The following SMAD6 variants were observed in gnomAD, a reference collection of about 807,000 sequenced individuals.
The protein encoded by SMAD6 is MAD homolog 6.
A neutral mutation model predicts 39.4 loss-of-function variants in SMAD6; 103 were observed. The observed-to-expected ratio is 2.62, with a 90% confidence interval of 2.23 to 3.08. The LOEUF (loss-of-function observed/expected upper bound fraction) is 3.08, where lower values mean the gene tolerates loss of function less well. Ranked by LOEUF, SMAD6 falls within the 30% of genes most tolerant of loss-of-function variation. The pLI is 0.00. For missense variants in SMAD6, 1,104 were observed against 742.9 expected (o/e 1.49, Z -5.65); for synonymous variants, 445 against 353.3 (o/e 1.26, Z -2.91).
chr15:66,713,768 G>C (rs1392639821), intron 2 of SMAD6, among the ~76,000 whole-genome samples: 1 of 152,208 alleles, frequency 6.6e-6, no homozygotes, highest in Non-Finnish European at 1.5e-5. Flanking sequence ...GCTGTTCCAC[G>C]AGGGTGTGGG....
At chr15:66,746,583 A>G (rs1893913323) in intron 3 of SMAD6, among the ~76,000 whole-genome samples, 1 of 152,294 alleles carries the variant, frequency 6.6e-6, no homozygotes, top group South Asian at 2.1e-4. Flanking sequence ...TCACTCACTC[A>G]TTCAGAGAAA....
At chr15:66,705,323 A>G (rs1380510007) in intron 1 of SMAD6, 1 of 140,076 alleles carries the variant, frequency 7.1e-6, no homozygotes, top group African/African-American at 2.6e-5. Context: ...CATAGAGGGC[A>G]TTGATGGGGG....
chr15:66,729,292 C>T (rs1893581039), intron 3 of SMAD6, among the ~76,000 whole-genome samples: 1 of 152,190 alleles, frequency 6.6e-6, no homozygotes, highest in African/African-American at 2.4e-5. Context: ...CCATAATGTC[C>T]TTTCCTAAGG....
At chr15:66,778,143 C>T (rs1236581323) in intron 3 of SMAD6, among the ~76,000 whole-genome samples, 1 of 150,900 alleles carries the variant, frequency 6.6e-6, no homozygotes, top group Non-Finnish European at 1.5e-5. Context: ...AATGCAGTAG[C>T]ACAATGACTG....
rs184507417 is a variant in SMAD6 at position 66,781,558 on chromosome 15, G to C, written c.*23G>C. 3 of 1,475,044 alleles carry C rather than the reference G, an allele frequency of 2.0e-6. No individual in the cohort carries two copies. The highest frequency in any genetic ancestry group is 2.7e-5 in the South Asian group (2 of 73,312). The allele number at this position is 1,475,044 out of a possible 1,614,324, so 91.4% of individuals were successfully genotyped here. A position where few individuals can be genotyped will look rare whatever the true frequency, so the allele number is the denominator to read the frequency against. On this transcript the variant is annotated 3_prime_UTR_variant, in exon 4 of 4. Transcript: ENST00000288840. ...TAGTGGCGGCCCCGGCGGGAGGGGC[G>C]GGTGGGAGGCCGCGGCCACCGCCAC...
At position 66,702,474 on chromosome 15, in the gene SMAD6, T is replaced by TC. The variant is rs1892992362; in HGVS notation, c.-783dup. On this transcript the variant is annotated 5_prime_UTR_variant, in exon 1 of 4. An upstream open reading frame in the 5' UTR gains an earlier in-frame stop. Transcript: ENST00000288840. ...CTCGGCAGCCTCGGCGCACGAAGCG[T>TC]CCGAGGGCAGCGTGGGGCGGGCTGC... 1 of 152,328 alleles carries TC rather than the reference T, an allele frequency of 6.6e-6. No homozygotes were observed. Among genetic ancestry groups the TC allele is most frequent in the African/African-American group, 2.4e-5 (1 of 41,384 alleles). 9.4% of individuals were successfully genotyped at this position (152,328 alleles called of 1,614,324 possible).
At chr15:66,751,271 GC>G (rs1894001462) in intron 3 of SMAD6, among the ~76,000 whole-genome samples, 1 of 152,198 alleles carries the variant, frequency 6.6e-6, no homozygotes, top group African/African-American at 2.4e-5. Flanking sequence ...CGAAGGTGGG[GC>G]CAGTCCCAGC....
intron 3 of SMAD6, among the ~76,000 whole-genome samples, chr15:66,757,740 C>T (rs759602005): frequency 6.6e-6 from 1 of 152,232 alleles, no homozygotes; most frequent in Non-Finnish European, 1.5e-5. Context: ...CAGGGCTGCC[C>T]TGAGCGCCGC....
intron 2 of SMAD6, among the ~76,000 whole-genome samples, chr15:66,714,884 AG>A (rs1893297600): frequency 1.3e-5 from 2 of 152,198 alleles, no homozygotes; most frequent in Non-Finnish European, 2.9e-5. Context: ...GTTGGCTGTA[AG>A]GCAGTTCACT....
Sources: gnomAD v4.1 joint callset for allele counts (sites outside exome capture counted in the v4.1 genomes callset) on GRCh38, gnomAD v4.1.1 for gene constraint, MANE v1.5 for transcripts, NCBI Gene and HGNC (gene_info 2026-07-23, HGNC 2026-07-21) for gene names.